Variants in TOP3A observed in about 807,000 individuals in gnomAD.
TOP3A encodes the protein DNA topoisomerase 3-alpha.
A neutral mutation model predicts 111.3 loss-of-function variants in TOP3A; 64 were observed. That is an observed-to-expected ratio of 0.57 (90% confidence interval 0.47 to 0.71). The LOEUF is 0.71. TOP3A is among the 30% of genes least tolerant of loss of function. The probability of loss-of-function intolerance (pLI) is 0.00; values close to 1 mark genes in which losing one functional copy is unlikely to be tolerated. For synonymous variants in TOP3A, 484 were observed against 485.1 expected (o/e 1.00, Z 0.03); for missense variants, 1,104 against 1,285.0 (o/e 0.86, Z 2.15).
At chr17:18,297,177 G>A (rs924707289) in intron 9 of TOP3A, among the ~76,000 whole-genome samples, 41 of 152,298 alleles carry the variant, frequency 2.7e-4, no homozygotes, top group Middle Eastern at 3.4e-3. Context: ...TCTAATCCCA[G>A]CACTTTGGGA....
chr17:18,278,734 C>T (rs1979565547), intron 17 of TOP3A, among the ~76,000 whole-genome samples: 1 of 152,156 alleles, frequency 6.6e-6, no homozygotes, highest in South Asian at 2.1e-4. Flanking sequence ...AATCCCAGCA[C>T]TTTGGGAGGC....
chr17:18,283,172 C>G (rs1979874005), intron 15 of TOP3A, among the ~76,000 whole-genome samples: 1 of 152,164 alleles, frequency 6.6e-6, no homozygotes. Flanking sequence ...AATTTCGAGA[C>G]CAGCCTGACC....
rs1981083143 is a variant in TOP3A, at chr17:18,299,463, A to G, written c.990+96T>C. ...CTTGTGTGGCCTGGTGATGGGTGAT[A>G]TTTTCTTCCACCAAGCCACAGTCTA... On this transcript the variant is annotated intron_variant, in intron 9 of 18. Transcript: ENST00000321105. The G allele has an allele frequency of 7.3e-6, 8 of 1,089,908 alleles. No individual in the cohort carries two copies. The South Asian group carries it at 8.8e-5, about 12-fold the overall frequency. 67.5% of individuals were successfully genotyped at this position (1,089,908 alleles called of 1,614,324 possible). A position where few individuals can be genotyped will look rare whatever the true frequency, so the allele number is the denominator to read the frequency against.
At chr17:18,304,301 C>T (rs1445026980) in intron 5 of TOP3A, among the ~76,000 whole-genome samples, 1 of 152,074 alleles carries the variant, frequency 6.6e-6, no homozygotes, top group Non-Finnish European at 1.5e-5. Context: ...CTCTCTCAGG[C>T]CTTTTGAGAA....
chr17:18,283,585 C>T (rs1316319149), intron 15 of TOP3A, among the ~76,000 whole-genome samples: 1 of 152,110 alleles, frequency 6.6e-6, no homozygotes, highest in Non-Finnish European at 1.5e-5. Context: ...GCAACTCTCC[C>T]GCCACACACC....
intron 18 of TOP3A, among the ~76,000 whole-genome samples, chr17:18,275,484 C>T (rs190928725): frequency 0.026 from 3,834 of 147,060 alleles, 161 homozygotes; most frequent in African/African-American, 0.085. Flanking sequence ...CTCAGCCTCC[C>T]GAGTAGCTGG....
At chr17:18,288,746 G>A (rs1980284080) in intron 13 of TOP3A, among the ~76,000 whole-genome samples, 1 of 152,124 alleles carries the variant, frequency 6.6e-6, no homozygotes, top group Non-Finnish European at 1.5e-5. Context: ...TGAGGTTTTG[G>A]TCCAGCTCAA....
At chr17:18,289,286 A>T (rs1980319377) in intron 13 of TOP3A, among the ~76,000 whole-genome samples, 1 of 152,118 alleles carries the variant, frequency 6.6e-6, no homozygotes, top group African/African-American at 2.4e-5. Context: ...AAGTACTAAG[A>T]TTACAGGCAT....
chr17:18,303,983 T>C lies in TOP3A; in HGVS notation c.499+1129A>G, dbSNP rs569643474. 2.6e-5 allele frequency among the ~76,000 whole-genome samples: 4 copies of C among 152,268 alleles called. No homozygotes were observed. The South Asian group carries it at 8.3e-4, about 32-fold the overall frequency. On this transcript the variant is annotated intron_variant, in intron 5 of 18. Transcript: ENST00000321105. ...ATGCTCTTGGTGAACATTTTTTTTTTGGAGACAGTCTCACTCTGTCACCCA... is the reference window on the plus strand; with the variant it reads ...ATGCTCTTGGTGAACATTTTTTTTTCGGAGACAGTCTCACTCTGTCACCCA...
chr17:18,299,987 G>A (rs1436197240), intron 8 of TOP3A, among the ~76,000 whole-genome samples: 1 of 152,136 alleles, frequency 6.6e-6, no homozygotes, highest in Non-Finnish European at 1.5e-5. Context: ...CAGAGATGGG[G>A]TCTTGCTATG....
At chr17:18,285,818 G>C (rs746872506) in intron 13 of TOP3A, among the ~76,000 whole-genome samples, 2 of 152,126 alleles carry the variant, frequency 1.3e-5, no homozygotes. Flanking sequence ...CCTATTTCTA[G>C]TCTCTTCCTC....
intron 16 of TOP3A, 22 bp downstream of exon 16, chr17:18,282,676 G>A: frequency 6.2e-7 from 1 of 1,612,454 alleles, no homozygotes; most frequent in East Asian, 2.2e-5. Flanking sequence ...GCAGAGGTGG[G>A]GGCAGAAGGC....
At position 18,280,543 on chromosome 17, in the gene TOP3A, C is replaced by A. The variant is rs777296235; in HGVS notation, c.2137G>T (p.Val713Leu). The change falls in exon 17 of 19, where the codon GTG (valine) becomes TTG (leucine). Residue 713 changes from valine (V) to leucine (L), a missense_variant. Physicochemically the swap from Val to Leu is conservative, Grantham distance 32. Coordinates refer to ENST00000321105, the MANE Select transcript of TOP3A (RefSeq NM_004618.5). ...CTCAGGTGCCCAGCTCACCTGTACA[C>A]AGGGTGTGGCTGACAAACTGGACAC... ...SVCPVCQPHP[V>L]YRLKLKFKRG... The A allele has an allele frequency of 6.2e-7, 1 of 1,613,524 alleles. No homozygotes were observed. The highest frequency in any genetic ancestry group is 8.5e-7 in the Non-Finnish European group (1 of 1,179,716).
At chr17:18,276,973 G>A (rs545949019) in intron 18 of TOP3A, among the ~76,000 whole-genome samples, 1 of 152,152 alleles carries the variant, frequency 6.6e-6, no homozygotes, top group African/African-American at 2.4e-5. Context: ...ATCACCTGAG[G>A]TGGAGTTCGA....
Position 18,314,740 on chromosome 17 carries a change from C to A in TOP3A, c.39G>T (p.Leu13=). Reference sequence around the variant, plus strand: ...AAAAGGCACGGTCTTCGGGCCGTCGCAGCCACCGGAGCGCGTAGCGGGCGA... The same window carrying A: ...AAAAGGCACGGTCTTCGGGCCGTCGAAGCCACCGGAGCGCGTAGCGGGCGA... ...FPVARYALRW[L]RRPEDRAFSR... Residue 13 remains leucine (L), a synonymous_variant, in exon 1 of 19, where the codon CTG becomes CTT. Transcript: ENST00000321105. 6.3e-7 allele frequency: 1 copy of A among 1,577,220 alleles called. No individual in the cohort carries two copies. The highest frequency in any genetic ancestry group is 2.4e-5 in the East Asian group (1 of 42,310).
At chr17:18,290,469 G>C in intron 13 of TOP3A, 88 bp downstream of exon 13, 2 of 1,356,856 alleles carry the variant, frequency 1.5e-6, no homozygotes, top group African/African-American at 1.5e-5. Flanking sequence ...CTGCATTAGA[G>C]AATGGTTTGA....
chr17:18,282,852 G>T lies in TOP3A; in HGVS notation c.1878-11C>A. ...AAGGCCTCGTCCAATCTGAAGAAAA[G>T]GCAAAGACAGACACCCATCAGCCAG... On this transcript the variant is annotated splice_polypyrimidine_tract_variant and intron_variant, in intron 15 of 18. Transcript: ENST00000321105. 6.2e-7 allele frequency: 1 copy of T among 1,613,812 alleles called. No homozygotes were observed. Among genetic ancestry groups the T allele is most frequent in the Non-Finnish European group, 8.5e-7 (1 of 1,180,000 alleles).
intron 9 of TOP3A, among the ~76,000 whole-genome samples, chr17:18,297,465 G>GGTCTCGC (rs1418923033): frequency 7.6e-6 from 1 of 131,364 alleles, no homozygotes; most frequent in African/African-American, 2.7e-5. Flanking sequence ...CACGGTCTCC[G>GGTCTCGC]TCTCCCTCTC....
rs766400576 is a variant in TOP3A at position 18,292,728 on chromosome 17, C to T, written c.1198G>A (p.Gly400Ser). Residue 400 changes from glycine to serine, a missense_variant, in exon 11 of 19, where the codon GGT becomes AGT. Gly to Ser is a moderately conservative substitution (Grantham distance 56). Transcript: ENST00000321105. ...GAFAQSILER[G>S]GPTPRNGNKS... Reference sequence around the variant, plus strand: ...TTCCCATTGCGTGGGGTGGGACCACCCCGCTCTAGAATGCTCTGGGCAAAG... The same window carrying T: ...TTCCCATTGCGTGGGGTGGGACCACTCCGCTCTAGAATGCTCTGGGCAAAG... 6 of 1,611,992 alleles carry T rather than the reference C, an allele frequency of 3.7e-6. No individual in the cohort carries two copies. In the Admixed American group the frequency reaches 1.0e-4, roughly 27 times the overall value.
Sources: allele counts gnomAD v4.1 joint callset (sites outside exome capture counted in the v4.1 genomes callset), GRCh38; gene constraint gnomAD v4.1.1; transcripts MANE v1.5; gene names NCBI Gene and HGNC (gene_info 2026-07-23, HGNC 2026-07-21).